The following ALG14 variants were observed in gnomAD, a reference collection of about 807,000 sequenced individuals.
ALG14 encodes ALG14 UDP-N-acetylglucosaminyltransferase subunit, also known as UDP-N-acetylglucosamine transferase subunit ALG14.
Under a neutral mutation model 22.8 loss-of-function variants are expected in ALG14, and 17 were observed. The ratio of observed to expected loss-of-function variants is 0.75; its 90% CI spans 0.51 to 1.12. The LOEUF (loss-of-function observed/expected upper bound fraction) is 1.12. ALG14 is among the 50% of genes most tolerant of loss of function. The pLI is 0.00. For synonymous variants in ALG14, 89 were observed against 103.7 expected, an observed-to-expected ratio of 0.86 and a Z score of 0.86; for missense variants, 288 against 271.8, an observed-to-expected ratio of 1.06 and a Z score of -0.42.
At chr1:95,069,475 T>C (rs925039471) in intron 1 of ALG14, among the ~76,000 whole-genome samples, 2 of 152,214 alleles carry the variant, frequency 1.3e-5, no homozygotes, top group African/African-American at 2.4e-5. Context: ...TCATGTAACA[T>C]GGCTTTTTCT....
rs1014756147 is a variant in ALG14, at chr1:94,982,761, A to G, written c.*315T>C. ...AAATATTACTAATCATACAAACTCT[A>G]TATTTAGTTCTGTAAAAAAAATACT... is the stretch of plus-strand genomic sequence containing the variant. On this transcript the variant is annotated 3_prime_UTR_variant, in exon 4 of 4. Transcript: ENST00000370205. 4.8e-6 allele frequency: 1 copy of G among 206,638 alleles called. No homozygotes were observed. Among genetic ancestry groups the G allele is most frequent in the African/African-American group, 2.4e-5 (1 of 42,086 alleles). The allele number at this position is 206,638 out of a possible 1,614,324, so 12.8% of individuals were successfully genotyped here.
intron 2 of ALG14, among the ~76,000 whole-genome samples, chr1:95,034,418 G>A (rs1011992716): frequency 1.3e-5 from 2 of 152,152 alleles, no homozygotes; most frequent in African/African-American, 4.8e-5. Flanking sequence ...CACATCATGG[G>A]TACTCAGTAA....
At chr1:95,005,443 TGA>T (rs1673190710) in intron 3 of ALG14, among the ~76,000 whole-genome samples, 1 of 146,608 alleles carries the variant, frequency 6.8e-6, no homozygotes. Context: ...TCACAGGCAG[TGA>T]GAGAGAAGAA....
chr1:94,975,346 G>C lies in ALG14; in HGVS notation c.*7730C>G, dbSNP rs528369662. The C allele has an allele frequency of 2.0e-5, 3 of 152,146 alleles. No individual in the cohort carries two copies. The highest frequency in any genetic ancestry group is 2.9e-5 in the Non-Finnish European group (2 of 68,018). The allele number at this position is 152,146 out of a possible 1,614,324, so 9.4% of individuals were successfully genotyped here. ...TAGTACTTCATTCCTTTGTGTGATC[G>C]AGTAATATTCCACTATATGGATATA... On this transcript the variant is annotated 3_prime_UTR_variant, in exon 4 of 4. Transcript: ENST00000370205.
At chr1:95,068,303 A>G (rs1675443335) in intron 1 of ALG14, among the ~76,000 whole-genome samples, 1 of 152,074 alleles carries the variant, frequency 6.6e-6, no homozygotes, top group African/African-American at 2.4e-5. Flanking sequence ...ATCTACTAAT[A>G]ATTTTTTATT....
chr1:95,060,336 A>C (rs963205445), intron 2 of ALG14, among the ~76,000 whole-genome samples: 12 of 152,160 alleles, frequency 7.9e-5, no homozygotes, highest in African/African-American at 2.9e-4. Flanking sequence ...GCATTGCCCC[A>C]GTAGGCGACT....
intron 2 of ALG14, among the ~76,000 whole-genome samples, chr1:95,054,274 G>A (rs72720251): frequency 0.073 from 11,181 of 152,216 alleles, 440 homozygotes; most frequent in African/African-American, 0.088. Flanking sequence ...CTCATGAATG[G>A]TTGGTCATGA....
chr1:95,067,785 T>A (rs1015885650), intron 1 of ALG14, among the ~76,000 whole-genome samples: 2 of 152,038 alleles, frequency 1.3e-5, no homozygotes, highest in Non-Finnish European at 2.9e-5. Context: ...CCTATTCGAG[T>A]TGATCAAATT....
In ALG14 at chr1:95,061,041, C is replaced by T. The variant is rs574132938; in HGVS notation, c.288+3825G>A. Among the ~76,000 whole-genome samples, 27 of 152,260 alleles carry T rather than the reference C, an allele frequency of 1.8e-4. No individual in the cohort carries two copies. The East Asian group carries it at 5.0e-3, about 28-fold the overall frequency. On this transcript the variant is annotated intron_variant, in intron 2 of 3. Transcript: ENST00000370205. ...ATGGTGGAAGCCGAGATTAGAGTGA[C>T]GTAGCTGCAAGCTAAGGAAGGCCAA...
intron 3 of ALG14, among the ~76,000 whole-genome samples, chr1:94,984,419 A>G (rs188165406): frequency 2.6e-5 from 4 of 152,298 alleles, no homozygotes; most frequent in African/African-American, 7.2e-5. Flanking sequence ...CCATGTGAAC[A>G]TGGTCAGGGC....
chr1:95,058,896 T>TC (rs1008909349), intron 2 of ALG14, among the ~76,000 whole-genome samples: 37 of 152,086 alleles, frequency 2.4e-4, no homozygotes, highest in South Asian at 6.2e-4. Flanking sequence ...TTATTTTTTT[T>TC]CCTCTCATTC....
intron 3 of ALG14, among the ~76,000 whole-genome samples, chr1:94,989,557 G>C (rs1484908961): frequency 6.6e-6 from 1 of 152,180 alleles, no homozygotes; most frequent in African/African-American, 2.4e-5. Flanking sequence ...GGCAGGGCTG[G>C]AGGAGACTCT....
At chr1:95,051,310 C>T (rs911340982) in intron 2 of ALG14, among the ~76,000 whole-genome samples, 2 of 152,174 alleles carry the variant, frequency 1.3e-5, no homozygotes, top group Admixed American at 1.3e-4. Context: ...CATTCTCTCA[C>T]ACCCTACATC....
chr1:94,999,643 T>C (rs1303064918), intron 3 of ALG14, among the ~76,000 whole-genome samples: 10 of 152,178 alleles, frequency 6.6e-5, no homozygotes, highest in Admixed American at 6.5e-4. Context: ...TCCAGTTCTC[T>C]TACTGGCCAA....
chr1:95,068,491 T>C (rs1675453466), intron 1 of ALG14, among the ~76,000 whole-genome samples: 2 of 152,160 alleles, frequency 1.3e-5, no homozygotes, highest in South Asian at 4.1e-4. Context: ...GGTTTTGCCA[T>C]GTTGGCCAGG....
At chr1:95,033,420 T>TATACAC (rs1553229109) in intron 2 of ALG14, among the ~76,000 whole-genome samples, 17 of 139,668 alleles carry the variant, frequency 1.2e-4, no homozygotes, top group African/African-American at 3.8e-4. Flanking sequence ...TATATATATA[T>TATACAC]ACACACACAC....
At chr1:94,998,704 T>G (rs577456973) in intron 3 of ALG14, among the ~76,000 whole-genome samples, 1 of 152,218 alleles carries the variant, frequency 6.6e-6, no homozygotes, top group Non-Finnish European at 1.5e-5. Context: ...AGACTTTGGG[T>G]AAGCCAATTT....
intron 2 of ALG14, among the ~76,000 whole-genome samples, chr1:95,063,647 G>C (rs1252757690): frequency 6.6e-6 from 1 of 152,202 alleles, no homozygotes; most frequent in Non-Finnish European, 1.5e-5. Flanking sequence ...GTCTGTATCT[G>C]TTTTTGTACA....
intron 2 of ALG14, among the ~76,000 whole-genome samples, chr1:95,059,174 G>A (rs548154471): frequency 4.0e-5 from 6 of 151,866 alleles, no homozygotes; most frequent in African/African-American, 9.6e-5. Context: ...TGAGGCAAGC[G>A]GATGACGAGG....
Sources: gnomAD v4.1 joint callset for allele counts (sites outside exome capture counted in the v4.1 genomes callset) on GRCh38, gnomAD v4.1.1 for gene constraint, MANE v1.5 for transcripts, NCBI Gene and HGNC (gene_info 2026-07-23, HGNC 2026-07-21) for gene names.